The following PYGB variants were observed in gnomAD, a reference collection of about 807,000 sequenced individuals.
PYGB encodes glycogen phosphorylase, brain form.
PYGB carries 82 observed loss-of-function variants against 94.3 expected under a neutral mutation model. That is an observed-to-expected ratio of 0.87 (90% confidence interval 0.73 to 1.04). PYGB has a LOEUF of 1.04. PYGB is among the 50% of genes least tolerant of loss of function. The pLI is 0.00. For synonymous variants in PYGB, 488 were observed against 479.1 expected, an observed-to-expected ratio of 1.02 and a Z score of -0.24; for missense variants, 1,132 against 1,158.2, an observed-to-expected ratio of 0.98 and a Z score of 0.33.
rs201238678 is a variant in PYGB, at chr20:25,284,247, C to T, written c.1764C>T (p.Tyr588=). The T allele has an allele frequency of 6.7e-5, 108 of 1,613,098 alleles. 1 individual carries two copies. Among genetic ancestry groups the T allele is most frequent in the South Asian group, 4.5e-4 (41 of 90,968 alleles). The part of the protein sequence containing the change: ...LLNCLHVVTL[Y]NRIKRDPAKA... ...ACTGCCTGCACGTCGTCACCCTGTA[C>T]AATCGTGAGTGCCGGCATCACCTGC... is the stretch of plus-strand genomic sequence containing the variant. Residue 588 remains tyrosine (Y), a synonymous_variant, in exon 14 of 20, where the codon TAC becomes TAT. Transcript: ENST00000216962.
At chr20:25,254,557 C>CTT (rs2092897791) in intron 1 of PYGB, among the ~76,000 whole-genome samples, 1 of 152,202 alleles carries the variant, frequency 6.6e-6, no homozygotes, top group African/African-American at 2.4e-5. Flanking sequence ...TTAACAGTGT[C>CTT]TTCAACAGTA....
chr20:25,277,543 C>T (rs1304816942), intron 7 of PYGB, among the ~76,000 whole-genome samples: 1 of 152,116 alleles, frequency 6.6e-6, no homozygotes, highest in Non-Finnish European at 1.5e-5. Flanking sequence ...TGCCTCTTGG[C>T]AGCTCTGTGG....
intron 17 of PYGB, among the ~76,000 whole-genome samples, chr20:25,293,177 G>A (rs1378234089): frequency 6.6e-6 from 1 of 151,878 alleles, no homozygotes; most frequent in Non-Finnish European, 1.5e-5. Context: ...GGTGGCAGAG[G>A]GGAGGAGGGA....
chr20:25,289,268 T>A (rs191361841), intron 15 of PYGB, among the ~76,000 whole-genome samples: 59 of 152,388 alleles, frequency 3.9e-4, no homozygotes, highest in Middle Eastern at 6.8e-3. Flanking sequence ...AAGCAAATTT[T>A]GGAATTGTGT....
intron 9 of PYGB, among the ~76,000 whole-genome samples, chr20:25,279,453 T>C (rs1266838148): frequency 6.6e-6 from 1 of 152,190 alleles, no homozygotes; most frequent in African/African-American, 2.4e-5. Context: ...GTTAAGTGTT[T>C]AGAGGTCTGT....
chr20:25,261,105 G>T (rs2092912505), intron 2 of PYGB, among the ~76,000 whole-genome samples: 1 of 152,346 alleles, frequency 6.6e-6, no homozygotes, highest in Non-Finnish European at 1.5e-5. Flanking sequence ...AAATGTCTCT[G>T]TGTGACATCT....
intron 1 of PYGB, chr20:25,251,117 C>T (rs1316150221): frequency 5.3e-5 from 8 of 152,210 alleles, no homozygotes; most frequent in African/African-American, 1.9e-4. Flanking sequence ...CAAATCAGCA[C>T]GTCAAAACAT....
At chr20:25,267,638 C>T (rs572571293) in intron 2 of PYGB, among the ~76,000 whole-genome samples, 1 of 152,312 alleles carries the variant, frequency 6.6e-6, no homozygotes, top group South Asian at 2.1e-4. Flanking sequence ...TCAAGCCATC[C>T]TTCCGCCTCA....
At chr20:25,252,376 G>A (rs952006822) in intron 1 of PYGB, among the ~76,000 whole-genome samples, 2 of 152,198 alleles carry the variant, frequency 1.3e-5, no homozygotes, top group African/African-American at 4.8e-5. Flanking sequence ...GGGTCGGGGG[G>A]TGGTGTTTCC....
intron 13 of PYGB, among the ~76,000 whole-genome samples, chr20:25,283,773 C>A (rs1429694522): frequency 6.6e-6 from 1 of 152,174 alleles, no homozygotes; most frequent in Non-Finnish European, 1.5e-5. Flanking sequence ...AGAACTAGTT[C>A]TCCTTGTAGT....
At chr20:25,269,042 G>A in intron 2 of PYGB, 87 bp from the exon 3 acceptor site, 1 of 1,167,636 alleles carries the variant, frequency 8.6e-7, no homozygotes. Context: ...TTTAGCATAA[G>A]CTCACAAGAC....
At chr20:25,276,865 C>T (rs905024077) in intron 6 of PYGB, 108 bp downstream of exon 6, 13 of 1,004,692 alleles carry the variant, frequency 1.3e-5, no homozygotes, top group African/African-American at 1.6e-5. Context: ...CTGGAGGCCG[C>T]GCGGCCCTCC....
chr20:25,290,726 G>A, intron 16 of PYGB, 104 bp downstream of exon 16: 1 of 1,484,526 alleles, frequency 6.7e-7, no homozygotes, highest in Non-Finnish European at 9.2e-7. Context: ...GCTCTGCCTG[G>A]ACACCCAGAC....
At position 25,248,098 on chromosome 20, in the gene PYGB, C is replaced by T; in HGVS notation, c.-81C>T. 7.1e-7 allele frequency: 1 copy of T among 1,407,108 alleles called. No individual in the cohort carries two copies. Among genetic ancestry groups the T allele is most frequent in the Non-Finnish European group, 9.3e-7 (1 of 1,077,034 alleles). 87.2% of individuals were successfully genotyped at this position (1,407,108 alleles called of 1,614,324 possible). Reference sequence around the variant, plus strand: ...GTGCCGGGCGCCAGAGCAGCGGCGCCAGAGCAGCTGCACCATCCCGGCGTT... The same window carrying T: ...GTGCCGGGCGCCAGAGCAGCGGCGCTAGAGCAGCTGCACCATCCCGGCGTT... On this transcript the variant is annotated 5_prime_UTR_variant, in exon 1 of 20. Transcript: ENST00000216962.
rs552422932 is a variant in PYGB, at chr20:25,249,741, A to G, written c.243+1320A>G. Among the ~76,000 whole-genome samples the G allele has an allele frequency of 5.3e-4, 80 of 152,362 alleles. 1 individual carries two copies. The highest frequency in any genetic ancestry group is 1.9e-3 in the African/African-American group (79 of 41,590). ...AACATAGAAGTGGCAACGAATGGCC[A>G]AAACAGGTTATAACAAGGGCTTGGG... On this transcript the variant is annotated intron_variant, in intron 1 of 19. Transcript: ENST00000216962.
intron 16 of PYGB, among the ~76,000 whole-genome samples, chr20:25,291,863 C>G (rs2088470389): frequency 6.6e-6 from 1 of 152,162 alleles, no homozygotes; most frequent in Admixed American, 6.5e-5. Context: ...AGTGTGTGCA[C>G]TCACAGCGTG....
chr20:25,274,883 A>G (rs2088297322), intron 5 of PYGB, among the ~76,000 whole-genome samples, 160 bp downstream of exon 5: 1 of 152,246 alleles, frequency 6.6e-6, no homozygotes, highest in South Asian at 2.1e-4. Flanking sequence ...CTCACTCCCC[A>G]GTCTCTTACA....
intron 15 of PYGB, among the ~76,000 whole-genome samples, chr20:25,289,650 A>C (rs2088448080): frequency 6.6e-6 from 1 of 151,674 alleles, no homozygotes; most frequent in African/African-American, 2.4e-5. Flanking sequence ...TCTCAGCAAA[A>C]AAAAGAAAAA....
Position 25,283,169 on chromosome 20 carries a change from T to A in PYGB, c.1519-7T>A. 6.2e-7 allele frequency: 1 copy of A among 1,610,634 alleles called. No individual in the cohort carries two copies. Among genetic ancestry groups the A allele is most frequent in the Non-Finnish European group, 8.5e-7 (1 of 1,177,146 alleles). On this transcript the variant is annotated splice_region_variant and splice_polypyrimidine_tract_variant and intron_variant, in intron 12 of 19. Coordinates refer to ENST00000216962, the MANE Select transcript of PYGB (RefSeq NM_002862.4). ...CCCACAGTGAGCGGAACCTTTACGT[T>A]CTCCAGAAAATTGGGGAGGAGTTCC...
Sources: allele counts gnomAD v4.1 joint callset (sites outside exome capture counted in the v4.1 genomes callset), GRCh38; gene constraint gnomAD v4.1.1; transcripts MANE v1.5; gene names NCBI Gene and HGNC (gene_info 2026-07-23, HGNC 2026-07-21).